The following SMIM14 variants were observed in gnomAD, a reference collection of about 807,000 sequenced individuals.
SMIM14 encodes the protein small integral membrane protein 14, also known as chromosome 4 open reading frame 34.
Under a neutral mutation model 12.6 loss-of-function variants are expected in SMIM14, and 5 were observed. The ratio of observed to expected loss-of-function variants is 0.40; its 90% CI spans 0.21 to 0.83. The LOEUF (loss-of-function observed/expected upper bound fraction) is 0.83, where lower values mean the gene tolerates loss of function less well. SMIM14 is among the 40% of genes least tolerant of loss of function. The pLI is 0.37. For synonymous variants in SMIM14, 30 were observed against 40.1 expected (o/e 0.75, Z 0.95); for missense variants, 86 against 119.1 (o/e 0.72, Z 1.29).
At chr4:39,627,342 CTCTA>C (rs367617415) in intron 1 of SMIM14, among the ~76,000 whole-genome samples, 104 of 152,202 alleles carry the variant, frequency 6.8e-4, no homozygotes, top group African/African-American at 2.5e-3. Flanking sequence ...TTTTCTTTAC[CTCTA>C]TCTGACTCCT....
At chr4:39,589,416 G>A (rs1454832419) in intron 2 of SMIM14, among the ~76,000 whole-genome samples, 2 of 152,156 alleles carry the variant, frequency 1.3e-5, no homozygotes, top group African/African-American at 4.8e-5. Flanking sequence ...AGATGTAGAA[G>A]TTTTAGTTAT....
At chr4:39,621,499 G>T (rs576646783) in intron 1 of SMIM14, among the ~76,000 whole-genome samples, 1 of 152,018 alleles carries the variant, frequency 6.6e-6, no homozygotes, top group Non-Finnish European at 1.5e-5. Flanking sequence ...AAAAAAACGT[G>T]CATGCCCTCT....
chr4:39,579,758 C>T (rs780807430), intron 2 of SMIM14, among the ~76,000 whole-genome samples: 6 of 150,866 alleles, frequency 4.0e-5, no homozygotes, highest in Non-Finnish European at 2.9e-5. Context: ...GCAGGAGAAT[C>T]GCTTGAACCC....
At chr4:39,600,088 A>C (rs1714542357) in intron 2 of SMIM14, among the ~76,000 whole-genome samples, 1 of 152,202 alleles carries the variant, frequency 6.6e-6, no homozygotes, top group Non-Finnish European at 1.5e-5. Context: ...AGATGTGTCA[A>C]CATTTGGATA....
intron 1 of SMIM14, among the ~76,000 whole-genome samples, chr4:39,623,582 G>A (rs1175829789): frequency 2.6e-5 from 4 of 152,226 alleles, no homozygotes; most frequent in South Asian, 2.1e-4. Flanking sequence ...AAAATAGGCC[G>A]GGCGCGGTGG....
At chr4:39,557,396 T>C (rs1712074907) in intron 3 of SMIM14, among the ~76,000 whole-genome samples, 1 of 152,164 alleles carries the variant, frequency 6.6e-6, no homozygotes, top group Non-Finnish European at 1.5e-5. Context: ...CATTTTTTAA[T>C]AGTATAATAA....
At chr4:39,597,084 CCTT>C (rs1560298420) in intron 2 of SMIM14, among the ~76,000 whole-genome samples, 1 of 133,256 alleles carries the variant, frequency 7.5e-6, no homozygotes. Context: ...CCCAGGTTTC[CCTT>C]TTTTTTTTTT....
At chr4:39,579,752 G>A (rs927626228) in intron 2 of SMIM14, among the ~76,000 whole-genome samples, 1 of 151,318 alleles carries the variant, frequency 6.6e-6, no homozygotes, top group African/African-American at 2.4e-5. Context: ...GCTGAGGCAG[G>A]AGAATCGCTT....
intron 1 of SMIM14, among the ~76,000 whole-genome samples, chr4:39,611,723 A>C (rs911667702): frequency 3.3e-5 from 5 of 152,198 alleles, no homozygotes; most frequent in Admixed American, 6.5e-5. Context: ...CAAGTATGCA[A>C]AATTTCTGTA....
At chr4:39,588,588 C>T (rs1016146819) in intron 2 of SMIM14, among the ~76,000 whole-genome samples, 3 of 151,692 alleles carry the variant, frequency 2.0e-5, no homozygotes, top group Admixed American at 6.6e-5. Flanking sequence ...GTTAATCACA[C>T]GATTAAAAAA....
At chr4:39,631,738 A>G (rs1445042072) in intron 1 of SMIM14, among the ~76,000 whole-genome samples, 1 of 152,236 alleles carries the variant, frequency 6.6e-6, no homozygotes, top group African/African-American at 2.4e-5. Flanking sequence ...TGGTGCATAT[A>G]CCAGGAAGAT....
intron 2 of SMIM14, among the ~76,000 whole-genome samples, chr4:39,590,604 C>T (rs573143554): frequency 6.6e-6 from 1 of 151,604 alleles, no homozygotes; most frequent in African/African-American, 2.4e-5. Flanking sequence ...GAGTTCGAGA[C>T]CAGCATGGCC....
Position 39,551,289 on chromosome 4 carries a change from AGC to A in SMIM14, c.*835_*836del, listed in dbSNP as rs1711691034. 6.6e-6 allele frequency: 1 copy of A among 152,582 alleles called. No homozygotes were observed. Among genetic ancestry groups the A allele is most frequent in the African/African-American group, 2.4e-5 (1 of 41,458 alleles). 9.5% of individuals were successfully genotyped at this position (152,582 alleles called of 1,614,324 possible). On this transcript the variant is annotated 3_prime_UTR_variant, in exon 5 of 5. Coordinates refer to ENST00000295958, the MANE Select transcript of SMIM14 (RefSeq NM_174921.3). ...GGCACTCATTTTAAAAATAAATTAT[AGC>A]TTAAATTATTACTATGTGGATTATA...
At chr4:39,566,281 C>T (rs1712568915) in intron 3 of SMIM14, among the ~76,000 whole-genome samples, 1 of 151,704 alleles carries the variant, frequency 6.6e-6, no homozygotes, top group Non-Finnish European at 1.5e-5. Flanking sequence ...CTGCCATTAA[C>T]TGTTATAGGA....
chr4:39,619,933 G>A (rs1479894863), intron 1 of SMIM14, among the ~76,000 whole-genome samples: 1 of 146,434 alleles, frequency 6.8e-6, no homozygotes, highest in Non-Finnish European at 1.5e-5. Flanking sequence ...ACGCTAGAGT[G>A]CAATGGCAAT....
chr4:39,603,567 T>G (rs902167450), intron 2 of SMIM14, among the ~76,000 whole-genome samples: 28 of 150,122 alleles, frequency 1.9e-4, no homozygotes, highest in African/African-American at 6.1e-4. Flanking sequence ...TCAAAAACAA[T>G]AAATAAAAAA....
chr4:39,584,621 C>A, intron 2 of SMIM14, among the ~76,000 whole-genome samples: 1 of 149,738 alleles, frequency 6.7e-6, no homozygotes, highest in Non-Finnish European at 1.5e-5. Context: ...TATAGGGAGA[C>A]CCTGTCTCTA....
intron 3 of SMIM14, among the ~76,000 whole-genome samples, chr4:39,565,855 A>G (rs895943692): frequency 1.3e-5 from 2 of 151,882 alleles, no homozygotes; most frequent in Non-Finnish European, 2.9e-5. Flanking sequence ...CGCTCTTCTC[A>G]TGATAGTAAA....
chr4:39,556,392 C>A, intron 4 of SMIM14, 36 bp downstream of exon 4: 1 of 1,593,184 alleles, frequency 6.3e-7, no homozygotes, highest in Non-Finnish European at 8.5e-7. Context: ...CATACATTCC[C>A]TTACCCAAAA....
Sources: gnomAD v4.1 joint callset for allele counts (sites outside exome capture counted in the v4.1 genomes callset) on GRCh38, gnomAD v4.1.1 for gene constraint, MANE v1.5 for transcripts, NCBI Gene and HGNC (gene_info 2026-07-23, HGNC 2026-07-21) for gene names.